The following SUN1 variants were observed in gnomAD, a reference collection of about 807,000 sequenced individuals.
SUN1 encodes SUN domain-containing protein 1.
SUN1 carries 61 observed loss-of-function variants against 103.2 expected under a neutral mutation model. That is an observed-to-expected ratio of 0.59 (90% CI 0.48 to 0.73). The LOEUF is 0.73. Ranked by LOEUF, SUN1 falls within the 30% of genes least tolerant of loss-of-function variation. The probability of loss-of-function intolerance (pLI) is 0.00; values close to 1 mark genes in which losing one functional copy is unlikely to be tolerated. For missense variants in SUN1, 1,052 were observed against 1,034.6 expected (o/e 1.02, Z -0.23); for synonymous variants, 490 against 425.7 (o/e 1.15, Z -1.86).
At chr7:845,666 C>T (rs1814858577) in intron 5 of SUN1, among the ~76,000 whole-genome samples, 4 of 152,088 alleles carry the variant, frequency 2.6e-5, no homozygotes, top group African/African-American at 7.2e-5. Context: ...TGTCCCTCCA[C>T]ATTTTGTTTG....
chr7:848,234 G>C (rs1818427016), intron 5 of SUN1, among the ~76,000 whole-genome samples: 2 of 152,182 alleles, frequency 1.3e-5, no homozygotes, highest in Admixed American at 1.3e-4. Context: ...GGTACCCTGG[G>C]GGTTGCTCCG....
At chr7:835,160 G>A (rs1419924072) in intron 1 of SUN1, among the ~76,000 whole-genome samples, 3 of 152,210 alleles carry the variant, frequency 2.0e-5, no homozygotes, top group Non-Finnish European at 4.4e-5. Context: ...CCCATTTGCC[G>A]GCCACTGGCT....
intron 1 of SUN1, among the ~76,000 whole-genome samples, chr7:838,289 A>G (rs905020474): frequency 6.6e-6 from 1 of 152,260 alleles, no homozygotes; most frequent in Non-Finnish European, 1.5e-5. Flanking sequence ...TTTTGGTCAC[A>G]GGCTCAAAGC....
intron 1 of SUN1, among the ~76,000 whole-genome samples, chr7:818,035 T>A (rs562433081): frequency 1.3e-5 from 2 of 152,320 alleles, no homozygotes; most frequent in South Asian, 4.1e-4. Context: ...ATTTGTAATA[T>A]GTTCTTACTT....
chr7:849,686 A>G (rs1348017732), intron 5 of SUN1: 1 of 1,421,652 alleles, frequency 7.0e-7, no homozygotes, highest in Non-Finnish European at 9.9e-7. Flanking sequence ...GCAGTAGAGA[A>G]TGAACGGCCC....
upstream of SUN1, chr7:832,119 A>G (rs1379494862): frequency 9.8e-7 from 1 of 1,015,888 alleles, no homozygotes; most frequent in Admixed American, 5.4e-5. Context: ...TATTTTAGTT[A>G]GTAAAATAAA....
At chr7:869,161 G>T in intron 16 of SUN1, 188 bp from the exon 17 acceptor site, 25 of 657,170 alleles carry the variant, frequency 3.8e-5, no homozygotes, top group African/African-American at 5.4e-5. Flanking sequence ...CATATGGGTT[G>T]GAGATAGTGG....
At chr7:832,719 G>A in intron 1 of SUN1, 118 bp downstream of exon 1, 2 of 780,346 alleles carry the variant, frequency 2.6e-6, no homozygotes, top group Admixed American at 2.5e-5. Context: ...TTTTGAAGGT[G>A]AAAAAAAATA....
chr7:841,888 A>G, intron 2 of SUN1, 58 bp from the exon 3 acceptor site: 2 of 1,558,940 alleles, frequency 1.3e-6, no homozygotes, highest in Non-Finnish European at 8.7e-7. Context: ...GGTCAAATGT[A>G]ATCATTTTGT....
rs775882448 is a variant in SUN1 at position 838,958 on chromosome 7, G to T, written c.238G>T (p.Ala80Ser). 6.2e-7 allele frequency: 1 copy of T among 1,603,220 alleles called. No homozygotes were observed. Among genetic ancestry groups the T allele is most frequent in the Non-Finnish European group, 8.5e-7 (1 of 1,175,836 alleles). ...AVGADSGTSS[A>S]VSLKNRAART... ...GGGTGCCGACAGCGGCACCAGCAGCGCTGTCTCCCTGAAGAACCGAGCGGC... is the reference window on the plus strand; with the variant it reads ...GGGTGCCGACAGCGGCACCAGCAGCTCTGTCTCCCTGAAGAACCGAGCGGC... Residue 80 changes from alanine (A) to serine (S), a missense_variant, in exon 2 of 19, where the codon GCT becomes TCT. By Grantham distance (99) the Ala-to-Ser change is moderately conservative (BLOSUM62 1). Coordinates refer to ENST00000401592, the MANE Select transcript of SUN1 (RefSeq NM_001130965.3).
intron 11 of SUN1, among the ~76,000 whole-genome samples, chr7:855,356 A>AG (rs1373342346): frequency 6.6e-6 from 1 of 152,100 alleles, no homozygotes; most frequent in East Asian, 1.9e-4. Flanking sequence ...GTGTCTTCAG[A>AG]GGGGGGATAA....
chr7:837,066 T>C (rs921259071), intron 1 of SUN1, among the ~76,000 whole-genome samples: 3 of 152,204 alleles, frequency 2.0e-5, no homozygotes, highest in Admixed American at 1.3e-4. Context: ...TGCAACATGG[T>C]GAGCTTGGGA....
At chr7:853,101 T>G in intron 9 of SUN1, 149 bp downstream of exon 9, 5 of 1,064,518 alleles carry the variant, frequency 4.7e-6, no homozygotes, top group Non-Finnish European at 6.6e-6. Context: ...TGGAGCTCCT[T>G]AAGTGTTCTA....
Position 860,220 on chromosome 7 carries a change from A to T in SUN1, c.1617A>T (p.Ser539=). The change falls in exon 14 of 19, where the codon TCA becomes TCT. Residue 539 remains serine (S), a synonymous_variant. Coordinates refer to ENST00000401592, the MANE Select transcript of SUN1 (RefSeq NM_001130965.3). ...AACAGCTGCTGCAGAGGTTCTCATCACAGTTTGTGAGCAAAGGCGACTTGC... is the reference window on the plus strand; with the variant it reads ...AACAGCTGCTGCAGAGGTTCTCATCTCAGTTTGTGAGCAAAGGCGACTTGC... The part of the protein sequence containing the change: ...SLEQLLQRFS[S]QFVSKGDLQT... The T allele has an allele frequency of 6.2e-7, 1 of 1,614,238 alleles. No homozygotes were observed. The highest frequency in any genetic ancestry group is 8.5e-7 in the Non-Finnish European group (1 of 1,180,056).
chr7:823,406 CAG>C (rs1203615791), intron 1 of SUN1, among the ~76,000 whole-genome samples: 1 of 151,976 alleles, frequency 6.6e-6, no homozygotes, highest in African/African-American at 2.4e-5. Context: ...GTTAGCTAGG[CAG>C]AGTTTGGGGT....
intron 1 of SUN1, among the ~76,000 whole-genome samples, chr7:836,137 G>A (rs1802858757): frequency 1.3e-5 from 2 of 152,300 alleles, no homozygotes; most frequent in South Asian, 4.1e-4. Context: ...AGGGGAAGTT[G>A]TTTTTTACCG....
chr7:873,080 C>G (rs1316811951), intron 18 of SUN1, 135 bp from the exon 19 acceptor site: 25 of 830,330 alleles, frequency 3.0e-5, no homozygotes, highest in Non-Finnish European at 4.2e-5. Context: ...GGGCAAGACT[C>G]TGTCTCAACA....
chr7:841,878 G>A, intron 2 of SUN1, 68 bp from the exon 3 acceptor site: 1 of 1,518,062 alleles, frequency 6.6e-7, no homozygotes, highest in South Asian at 1.2e-5. Context: ...AGTTTGTGTT[G>A]GTCAAATGTA....
At chr7:831,610 G>A (rs762548093), upstream of SUN1, among the ~76,000 whole-genome samples, 4 of 152,208 alleles carry the variant, frequency 2.6e-5, no homozygotes, top group African/African-American at 9.6e-5. Context: ...CATGCTTGTC[G>A]ATACTTGTAG....
Sources: allele counts gnomAD v4.1 joint callset (sites outside exome capture counted in the v4.1 genomes callset), GRCh38; gene constraint gnomAD v4.1.1; transcripts MANE v1.5; gene names NCBI Gene and HGNC (gene_info 2026-07-23, HGNC 2026-07-21).